The following NR6A1 variants were observed in gnomAD, a reference collection of about 807,000 sequenced individuals.
NR6A1 encodes the protein retinoic acid receptor-related testis-associated receptor.
In NR6A1, 7 loss-of-function variants were observed where a neutral mutation model predicts 59.1. The observed-to-expected ratio is 0.12, with a 90% CI of 0.07 to 0.22. The LOEUF (loss-of-function observed/expected upper bound fraction) is 0.22, where lower values mean the gene tolerates loss of function less well. NR6A1 is among the 10% of genes least tolerant of loss of function. The pLI is 1.00. For missense variants in NR6A1, 468 were observed against 611.6 expected, an observed-to-expected ratio of 0.77 and a Z score of 2.48; for synonymous variants, 243 against 236.1, an observed-to-expected ratio of 1.03 and a Z score of -0.27.
In NR6A1 at chr9:124,615,982, C is replaced by G. The variant is rs546623705; in HGVS notation, c.143-61412G>C. Among the ~76,000 whole-genome samples, 77 of 152,136 alleles carry G rather than the reference C, an allele frequency of 5.1e-4. 1 individual carries two copies. The highest frequency in any genetic ancestry group is 4.6e-3 in the South Asian group (22 of 4,822). ...CCTCAGGTGATCTGCCTGCCTCAGC[C>G]TCACAAAGCTGGGATTACAGGCGTG... On this transcript the variant is annotated intron_variant, in intron 2 of 9. Coordinates refer to ENST00000487099, the MANE Select transcript of NR6A1 (RefSeq NM_033334.4).
At chr9:124,726,846 C>A (rs2131110769) in intron 2 of NR6A1, among the ~76,000 whole-genome samples, 1 of 152,146 alleles carries the variant, frequency 6.6e-6, no homozygotes, top group East Asian at 1.9e-4. Context: ...CGTAACACAC[C>A]AACAAGTGTT....
At chr9:124,557,845 C>T (rs1307445700) in intron 2 of NR6A1, among the ~76,000 whole-genome samples, 1 of 152,106 alleles carries the variant, frequency 6.6e-6, no homozygotes, top group Non-Finnish European at 1.5e-5. Context: ...ATAATGTAAA[C>T]CAGAGCCTTA....
At chr9:124,542,678 C>T (rs1251461034) in intron 4 of NR6A1, among the ~76,000 whole-genome samples, 2 of 152,268 alleles carry the variant, frequency 1.3e-5, no homozygotes, top group Non-Finnish European at 2.9e-5. Flanking sequence ...TTAGTGGTTG[C>T]CTCTTGGCTC....
intron 2 of NR6A1, among the ~76,000 whole-genome samples, chr9:124,641,718 T>C (rs1445456114): frequency 6.6e-6 from 1 of 152,094 alleles, no homozygotes; most frequent in East Asian, 1.9e-4. Flanking sequence ...CTGTGGGAAA[T>C]TAGTTGGGAA....
chr9:124,625,368 C>T (rs951579171), intron 2 of NR6A1, among the ~76,000 whole-genome samples: 1 of 152,174 alleles, frequency 6.6e-6, no homozygotes, highest in Non-Finnish European at 1.5e-5. Context: ...CGCTTTGCCA[C>T]CCAGGCTGAA....
rs183753506 is a variant in NR6A1, at chr9:124,535,988, C to A, written c.969G>T (p.Thr323=). 6.2e-7 allele frequency: 1 copy of A among 1,614,172 alleles called. No individual in the cohort carries two copies. The highest frequency in any genetic ancestry group is 1.1e-5 in the South Asian group (1 of 91,080). ...IKDYTCLLSS[T]WQELILLSSL... is the part of the protein sequence containing the mutation. ...AAGACAGCAGGATTAGCTCCTGCCA[C>A]GTAGAGCTCAAGAGGCACGTGTAAT... Residue 323 remains threonine, a synonymous_variant, in exon 7 of 10, where the codon ACG becomes ACT. Transcript: ENST00000487099.
intron 1 of NR6A1, among the ~76,000 whole-genome samples, chr9:124,742,602 C>T (rs1365769787): frequency 6.6e-6 from 1 of 151,878 alleles, no homozygotes; most frequent in Non-Finnish European, 1.5e-5. Context: ...AGCAGCTGGG[C>T]ACTGTGGCTC....
At chr9:124,587,138 T>C (rs1172664243) in intron 2 of NR6A1, among the ~76,000 whole-genome samples, 1 of 152,210 alleles carries the variant, frequency 6.6e-6, no homozygotes, top group Non-Finnish European at 1.5e-5. Flanking sequence ...AGCAAAATGA[T>C]TCACTGAAGC....
intron 2 of NR6A1, among the ~76,000 whole-genome samples, chr9:124,679,629 G>A (rs1838069688): frequency 6.6e-6 from 1 of 152,062 alleles, no homozygotes; most frequent in South Asian, 2.1e-4. Flanking sequence ...AGTGGCTGAT[G>A]CCTGTAATTC....
chr9:124,605,028 A>T lies in NR6A1; in HGVS notation c.143-50458T>A, dbSNP rs376286069. The stretch of plus-strand genomic sequence containing the variant: ...AGATACCAATCATCAAACGCTGCTA[A>T]CCATTACAAAAAGAAAGAACAAGAC... On this transcript the variant is annotated intron_variant, in intron 2 of 9. Transcript: ENST00000487099. Among the ~76,000 whole-genome samples, 3 of 152,328 alleles carry T rather than the reference A, an allele frequency of 2.0e-5. No individual in the cohort carries two copies. In the South Asian group the frequency reaches 6.2e-4, roughly 32 times the overall value.
At chr9:124,739,346 T>C (rs1285402815) in intron 1 of NR6A1, among the ~76,000 whole-genome samples, 1 of 152,196 alleles carries the variant, frequency 6.6e-6, no homozygotes, top group African/African-American at 2.4e-5. Context: ...ATTTGGTGAA[T>C]ATATGTAAAT....
chr9:124,727,166 C>A (rs1377523700), intron 2 of NR6A1, among the ~76,000 whole-genome samples: 1 of 152,100 alleles, frequency 6.6e-6, no homozygotes, highest in East Asian at 1.9e-4. Context: ...TTTTGCACTG[C>A]AAAACTACAA....
intron 2 of NR6A1, among the ~76,000 whole-genome samples, chr9:124,665,467 T>C (rs1472546958): frequency 6.6e-6 from 1 of 152,230 alleles, no homozygotes; most frequent in African/African-American, 2.4e-5. Flanking sequence ...GTCAGATCTA[T>C]GGTAAACCAC....
At chr9:124,543,145 C>T (rs891135658) in intron 4 of NR6A1, among the ~76,000 whole-genome samples, 2 of 152,178 alleles carry the variant, frequency 1.3e-5, no homozygotes, top group African/African-American at 4.8e-5. Context: ...ATTGAACAAA[C>T]TCCTTGTCAT....
chr9:124,770,945 G>C (rs1405946839), intron 1 of NR6A1, 75 bp downstream of exon 1: 1 of 857,958 alleles, frequency 1.2e-6, no homozygotes, highest in Non-Finnish European at 1.5e-6. Context: ...GGTCGGCAGA[G>C]AGGAGGGGGA....
intron 2 of NR6A1, among the ~76,000 whole-genome samples, chr9:124,588,471 C>T (rs1834999230): frequency 6.6e-6 from 1 of 151,524 alleles, no homozygotes; most frequent in Non-Finnish European, 1.5e-5. Flanking sequence ...CCACGCCCGG[C>T]TAATTTTTTG....
intron 7 of NR6A1, among the ~76,000 whole-genome samples, chr9:124,531,864 CCA>C (rs2131334363): frequency 6.6e-6 from 1 of 152,308 alleles, no homozygotes; most frequent in South Asian, 2.1e-4. Flanking sequence ...CTCTCTGTCT[CCA>C]CAGTCACTGC....
intron 2 of NR6A1, among the ~76,000 whole-genome samples, chr9:124,603,222 G>A (rs538645846): frequency 6.6e-6 from 1 of 152,182 alleles, no homozygotes; most frequent in Admixed American, 6.5e-5. Flanking sequence ...CAAGCCCAGG[G>A]CTGTCTTCAG....
chr9:124,707,112 ATTC>A (rs1206485008), intron 2 of NR6A1, among the ~76,000 whole-genome samples: 1 of 151,652 alleles, frequency 6.6e-6, no homozygotes, highest in Non-Finnish European at 1.5e-5. Context: ...CCTTTCTCTC[ATTC>A]TTCTCCTCCC....
Sources: allele counts gnomAD v4.1 joint callset (sites outside exome capture counted in the v4.1 genomes callset), GRCh38; gene constraint gnomAD v4.1.1; transcripts MANE v1.5; gene names NCBI Gene and HGNC (gene_info 2026-07-23, HGNC 2026-07-21).